Variants in CIRSR observed in about 807,000 individuals in gnomAD.
The protein encoded by CIRSR is CBF1 (RBPJ) interacting corepressor 1.
the CIRSR span, among the ~76,000 whole-genome samples, chr2:174,356,191 C>T: frequency 2.5e-3 from 382 of 152,142 alleles, 5 homozygotes; most frequent in African/African-American, 8.7e-3. Flanking sequence ...CCTGGCCAGG[C>T]GCAGTGGCTC....
chr2:174,392,083 C>T, the CIRSR span, among the ~76,000 whole-genome samples: 3 of 152,114 alleles, frequency 2.0e-5, no homozygotes, highest in African/African-American at 2.4e-5. Context: ...CTGCAATCTC[C>T]GCCTCCCGGG....
chr2:174,384,197 G>C, the CIRSR span, among the ~76,000 whole-genome samples: 182 of 152,260 alleles, frequency 1.2e-3, no homozygotes, highest in Non-Finnish European at 2.4e-3. Context: ...CCACAAAAAG[G>C]AATACAGTGC....
At chr2:174,355,605 G>GA in the CIRSR span, among the ~76,000 whole-genome samples, 22 of 152,154 alleles carry the variant, frequency 1.4e-4, no homozygotes, top group African/African-American at 5.1e-4. Flanking sequence ...GGCTCTACTA[G>GA]AAAAATACCA....
chr2:174,368,411 C>T, the CIRSR span, among the ~76,000 whole-genome samples: 1 of 152,126 alleles, frequency 6.6e-6, no homozygotes, highest in East Asian at 1.9e-4. Flanking sequence ...AAATCAGTAA[C>T]AGAAAGATAG....
At chr2:174,380,825 T>C in the CIRSR span, 33 of 1,584,090 alleles carry the variant, frequency 2.1e-5, no homozygotes, top group Admixed American at 1.0e-4. Context: ...CTTGATTGCA[T>C]ATCAAAAATA....
At chr2:174,367,436 C>T in the CIRSR span, among the ~76,000 whole-genome samples, 2 of 151,676 alleles carry the variant, frequency 1.3e-5, no homozygotes, top group East Asian at 1.9e-4. Flanking sequence ...AAAAATTAGC[C>T]GGGTGTGGTG....
the CIRSR span, among the ~76,000 whole-genome samples, chr2:174,386,576 G>A: frequency 1.3e-5 from 2 of 152,160 alleles, no homozygotes; most frequent in East Asian, 1.9e-4. Context: ...GCTGTTTTGC[G>A]GCATCCATAG....
the CIRSR span, among the ~76,000 whole-genome samples, chr2:174,352,737 A>G: frequency 6.6e-6 from 1 of 152,202 alleles, no homozygotes. Context: ...GCAGCTATTT[A>G]AAGTTGCCAG....
chr2:174,380,952 T>C, the CIRSR span: 1 of 643,908 alleles, frequency 1.6e-6, no homozygotes, highest in East Asian at 3.0e-5. Flanking sequence ...ACTTTTTTTC[T>C]TCTTTCACAT....
At chr2:174,380,287 G>T in the CIRSR span, 1 of 1,458,562 alleles carries the variant, frequency 6.9e-7, no homozygotes, top group Non-Finnish European at 9.3e-7. Context: ...ACAATATTAA[G>T]AATAATTTAA....
At chr2:174,375,801 CTATCTT>C in the CIRSR span, among the ~76,000 whole-genome samples, 2 of 152,140 alleles carry the variant, frequency 1.3e-5, no homozygotes, top group Admixed American at 6.5e-5. Flanking sequence ...CTTTTGTAAA[CTATCTT>C]TATGTCCTTT....
the CIRSR span, among the ~76,000 whole-genome samples, chr2:174,383,849 CA>C: frequency 1.6e-3 from 190 of 121,458 alleles, no homozygotes; most frequent in South Asian, 3.7e-3. Context: ...AGCTATCTTC[CA>C]AAAAAAAAAA....
the CIRSR span, among the ~76,000 whole-genome samples, chr2:174,371,046 T>C: frequency 6.6e-6 from 1 of 152,200 alleles, no homozygotes; most frequent in Admixed American, 6.5e-5. Context: ...CTTTCACTCA[T>C]ATTATATGAT....
At chr2:174,391,137 T>C in the CIRSR span, among the ~76,000 whole-genome samples, 1 of 152,164 alleles carries the variant, frequency 6.6e-6, no homozygotes, top group Non-Finnish European at 1.5e-5. Flanking sequence ...CTTAAGAAAT[T>C]TCCAGTATTT....
the CIRSR span, chr2:174,381,665 A>G: frequency 6.5e-7 from 1 of 1,530,626 alleles, no homozygotes; most frequent in Non-Finnish European, 8.9e-7. Flanking sequence ...TCAGAAAAAA[A>G]AAAAAGAAAG....
the CIRSR span, among the ~76,000 whole-genome samples, chr2:174,362,545 T>C: frequency 2.0e-5 from 3 of 151,118 alleles, no homozygotes; most frequent in Non-Finnish European, 4.4e-5. Context: ...TAGCCAGGCG[T>C]GGTGATGGGC....
chr2:174,395,539 C>T, the CIRSR span: 1 of 1,613,798 alleles, frequency 6.2e-7, no homozygotes, highest in Non-Finnish European at 8.5e-7. Context: ...CTCCCCGGGT[C>T]TGTTTACTCA....
chr2:174,379,950 C>G, the CIRSR span, among the ~76,000 whole-genome samples: 9 of 151,854 alleles, frequency 5.9e-5, no homozygotes, highest in South Asian at 2.1e-4. Flanking sequence ...GTCTCGAACT[C>G]CTGACCTTGT....
the CIRSR span, among the ~76,000 whole-genome samples, chr2:174,375,291 C>T: frequency 2.6e-5 from 4 of 152,042 alleles, no homozygotes; most frequent in African/African-American, 9.7e-5. Context: ...AAAGGTTGCT[C>T]TAATTTATCA....
Sources: gnomAD v4.1 joint callset for allele counts (sites outside exome capture counted in the v4.1 genomes callset) on GRCh38, gnomAD v4.1.1 for gene constraint, MANE v1.5 for transcripts, NCBI Gene and HGNC (gene_info 2026-07-23, HGNC 2026-07-21) for gene names.